STXBP5L: variants seen among roughly 807,000 people sequenced by gnomAD.
STXBP5L encodes syntaxin binding protein 5L.
STXBP5L carries 65 observed loss-of-function variants against 144.5 expected under a neutral mutation model. The observed-to-expected ratio is 0.45, with a 90% CI of 0.37 to 0.55. STXBP5L has a LOEUF of 0.55. STXBP5L is among the 20% of genes least tolerant of loss of function. STXBP5L has a pLI of 0.00. For synonymous variants in STXBP5L, 505 were observed against 469.6 expected, an observed-to-expected ratio of 1.08 and a Z score of -0.97; for missense variants, 1,298 against 1,405.5, an observed-to-expected ratio of 0.92 and a Z score of 1.22.
At chr3:121,024,894 C>T (rs1306909282) in intron 3 of STXBP5L, among the ~76,000 whole-genome samples, 1 of 152,100 alleles carries the variant, frequency 6.6e-6, no homozygotes, top group Non-Finnish European at 1.5e-5. Context: ...TTCTATCATG[C>T]CCTGGTTTTT....
chr3:120,978,611 G>T (rs990915268), intron 3 of STXBP5L, among the ~76,000 whole-genome samples: 2 of 152,212 alleles, frequency 1.3e-5, no homozygotes, highest in African/African-American at 4.8e-5. Flanking sequence ...TTTGGAGGAT[G>T]AGAGGCACTC....
chr3:121,264,320 G>C (rs942166472), intron 18 of STXBP5L, among the ~76,000 whole-genome samples: 1 of 151,824 alleles, frequency 6.6e-6, no homozygotes, highest in Non-Finnish European at 1.5e-5. Flanking sequence ...AGCTGAGGCA[G>C]ATTCTTCTCC....
intron 9 of STXBP5L, among the ~76,000 whole-genome samples, chr3:121,185,772 G>C (rs2047353544): frequency 6.6e-6 from 1 of 152,054 alleles, no homozygotes; most frequent in Admixed American, 6.6e-5. Flanking sequence ...GATTCTCTTG[G>C]CAATGTGGGC....
intron 20 of STXBP5L, among the ~76,000 whole-genome samples, chr3:121,324,291 C>T (rs971021726): frequency 6.6e-6 from 1 of 152,090 alleles, no homozygotes; most frequent in African/African-American, 2.4e-5. Context: ...GCCTAAAGTC[C>T]TATTTTAGTC....
chr3:121,024,047 C>A (rs890136865), intron 3 of STXBP5L, among the ~76,000 whole-genome samples: 2 of 151,950 alleles, frequency 1.3e-5, no homozygotes, highest in South Asian at 2.1e-4. Context: ...CATGAGCCAC[C>A]GTGCCTGGCC....
At chr3:121,291,659 A>G (rs1467649386) in intron 19 of STXBP5L, among the ~76,000 whole-genome samples, 1 of 152,180 alleles carries the variant, frequency 6.6e-6, no homozygotes, top group Non-Finnish European at 1.5e-5. Flanking sequence ...TTCAAACTAC[A>G]CTACAAGGCT....
chr3:121,040,201 G>A (rs554183830), intron 3 of STXBP5L, among the ~76,000 whole-genome samples: 1 of 152,086 alleles, frequency 6.6e-6, no homozygotes, highest in South Asian at 2.1e-4. Flanking sequence ...GAGTGCTAAA[G>A]GTTTTCGTAT....
At chr3:121,198,803 G>A (rs2048021826) in intron 9 of STXBP5L, among the ~76,000 whole-genome samples, 1 of 152,034 alleles carries the variant, frequency 6.6e-6, no homozygotes, top group South Asian at 2.1e-4. Context: ...GTAGGTGTGT[G>A]GTATTATTTC....
intron 3 of STXBP5L, among the ~76,000 whole-genome samples, chr3:120,978,940 G>A (rs924292193): frequency 6.6e-6 from 1 of 152,176 alleles, no homozygotes. Context: ...CGTGTGAGGT[G>A]TCAGTCTGCC....
intron 20 of STXBP5L, among the ~76,000 whole-genome samples, chr3:121,371,312 C>T (rs375072143): frequency 1.3e-5 from 2 of 152,182 alleles, no homozygotes; most frequent in Admixed American, 6.5e-5. Flanking sequence ...GGACTGCAAG[C>T]TTTAACTCTT....
At position 121,060,805 on chromosome 3, in the gene STXBP5L, G is replaced by A. The variant is rs577382043; in HGVS notation, c.470+15270G>A. On this transcript the variant is annotated intron_variant, in intron 5 of 26. Coordinates refer to ENST00000471454, the MANE Select transcript of STXBP5L (RefSeq NM_001308330.2). ...CTGATGGTAGTTTGTATTTCTGTGG[G>A]ATCAATGGTGATATCCACTTTATCA... 2.8e-3 allele frequency among the ~76,000 whole-genome samples: 424 copies of A among 152,242 alleles called. 5 individuals carry two copies. The highest frequency in any genetic ancestry group is 9.8e-3 in the African/African-American group (407 of 41,540).
At chr3:121,229,972 C>G (rs1211923491) in intron 11 of STXBP5L, among the ~76,000 whole-genome samples, 1 of 152,042 alleles carries the variant, frequency 6.6e-6, no homozygotes, top group Admixed American at 6.6e-5. Context: ...CAAGGACAAC[C>G]CTATTTATGT....
At chr3:121,227,483 G>A (rs2049157203) in intron 11 of STXBP5L, among the ~76,000 whole-genome samples, 1 of 152,136 alleles carries the variant, frequency 6.6e-6, no homozygotes. Context: ...CAGAGGCTGA[G>A]GTAGGAGGAT....
intron 9 of STXBP5L, among the ~76,000 whole-genome samples, chr3:121,194,058 A>T (rs1162288227): frequency 6.6e-6 from 1 of 152,132 alleles, no homozygotes; most frequent in Non-Finnish European, 1.5e-5. Flanking sequence ...CCTACAATTT[A>T]CCCATTTAAA....
chr3:121,246,795 A>G (rs2049868149), intron 14 of STXBP5L, among the ~76,000 whole-genome samples: 2 of 152,200 alleles, frequency 1.3e-5, no homozygotes, highest in African/African-American at 4.8e-5. Context: ...ATTATCCTCA[A>G]AAACATTACG....
intron 9 of STXBP5L, among the ~76,000 whole-genome samples, chr3:121,164,246 G>T (rs963379877): frequency 6.6e-6 from 1 of 152,052 alleles, no homozygotes; most frequent in African/African-American, 2.4e-5. Context: ...TATGTAAAAA[G>T]GTGCTCAACA....
At chr3:120,988,044 T>C (rs1942472593) in intron 3 of STXBP5L, among the ~76,000 whole-genome samples, 1 of 151,754 alleles carries the variant, frequency 6.6e-6, no homozygotes, top group South Asian at 2.1e-4. Context: ...TCATCAGTCT[T>C]ACCTGATGGT....
chr3:121,100,445 T>C (rs2043359436), intron 5 of STXBP5L, among the ~76,000 whole-genome samples: 1 of 151,696 alleles, frequency 6.6e-6, no homozygotes, highest in Admixed American at 6.6e-5. Context: ...CAAGATCTTT[T>C]ATTACCACAC....
At chr3:121,290,106 A>C (rs1035454460) in intron 19 of STXBP5L, among the ~76,000 whole-genome samples, 4 of 152,180 alleles carry the variant, frequency 2.6e-5, no homozygotes, top group Non-Finnish European at 5.9e-5. Flanking sequence ...AAGATAAATG[A>C]ACCAAAATGT....
Sources: gnomAD v4.1 joint callset for allele counts (sites outside exome capture counted in the v4.1 genomes callset) on GRCh38, gnomAD v4.1.1 for gene constraint, MANE v1.5 for transcripts, NCBI Gene and HGNC (gene_info 2026-07-23, HGNC 2026-07-21) for gene names.